Variants in ANKRD26 observed in about 807,000 individuals in gnomAD.
ANKRD26 encodes the protein ankyrin repeat domain 26, also known as ankyrin repeat domain-containing protein 26.
ANKRD26 carries 141 observed loss-of-function variants against 208.7 expected under a neutral mutation model. The observed-to-expected ratio is 0.68, with a 90% CI of 0.59 to 0.78. ANKRD26 has a LOEUF of 0.78. ANKRD26 is among the 30% of genes least tolerant of loss of function. The pLI is 0.00. For synonymous variants in ANKRD26, 636 were observed against 660.4 expected, an observed-to-expected ratio of 0.96 and a Z score of 0.57; for missense variants, 1,889 against 1,938.7, an observed-to-expected ratio of 0.97 and a Z score of 0.48.
At chr10:27,071,952 G>A (rs760700991) in intron 9 of ANKRD26, among the ~76,000 whole-genome samples, 2 of 152,218 alleles carry the variant, frequency 1.3e-5, no homozygotes, top group African/African-American at 2.4e-5. Context: ...CCTCACAGGC[G>A]TCCTGCCGGA....
the ANKRD26 span, among the ~76,000 whole-genome samples, chr10:26,963,259 ATC>A: frequency 1.3e-5 from 2 of 151,968 alleles, no homozygotes; most frequent in Admixed American, 1.3e-4. Context: ...ATCACCCACA[ATC>A]TATTGCTTCT....
chr10:26,977,049 G>C (rs140156359), intron 5 of ANKRD26, among the ~76,000 whole-genome samples: 1 of 152,034 alleles, frequency 6.6e-6, no homozygotes, highest in Non-Finnish European at 1.5e-5. Flanking sequence ...CCCCACCCCC[G>C]GAAACTTCGA....
intron 5 of ANKRD26, among the ~76,000 whole-genome samples, chr10:27,084,243 G>GAAA (rs2056035588): frequency 7.0e-6 from 1 of 143,442 alleles, no homozygotes; most frequent in South Asian, 2.2e-4. Context: ...AAAGAAAAAA[G>GAAA]AAATAAAATG....
At chr10:27,050,462 A>G (rs907842329) in intron 16 of ANKRD26, among the ~76,000 whole-genome samples, 1 of 152,120 alleles carries the variant, frequency 6.6e-6, no homozygotes, top group Non-Finnish European at 1.5e-5. Flanking sequence ...TGGTGTTTTA[A>G]AAAATATGTG....
At position 27,030,435 on chromosome 10, in the gene ANKRD26, C is replaced by T. The variant is rs180843223; in HGVS notation, c.3808-1079G>A. The T allele has an allele frequency of 1.4e-4, 142 of 985,354 alleles. No individual in the cohort carries two copies. In the African/African-American group the frequency reaches 1.9e-3, roughly 13 times the overall value. 61.0% of individuals were successfully genotyped at this position (985,354 alleles called of 1,614,324 possible). On this transcript the variant is annotated intron_variant, in intron 25 of 33. Coordinates refer to ENST00000376087, the MANE Select transcript of ANKRD26 (RefSeq NM_014915.3). ...GGACTGAAAACACTGGACTCTGCTGCGAAACAAGGTTCCCAAATCAAGTCA... is the reference window on the plus strand; with the variant it reads ...GGACTGAAAACACTGGACTCTGCTGTGAAACAAGGTTCCCAAATCAAGTCA...
chr10:27,050,291 AT>A (rs1165167700), intron 16 of ANKRD26, among the ~76,000 whole-genome samples: 2 of 147,668 alleles, frequency 1.4e-5, no homozygotes, highest in Admixed American at 1.4e-4. Context: ...ATTATTGTTT[AT>A]CTTTACAACT....
intron 5 of ANKRD26, among the ~76,000 whole-genome samples, chr10:27,084,353 T>C (rs751487068): frequency 2.6e-5 from 4 of 152,166 alleles, no homozygotes; most frequent in African/African-American, 4.8e-5. Context: ...AATACTTTCA[T>C]TGAAAAAACA....
At position 27,046,071 on chromosome 10, in the gene ANKRD26, C is replaced by CTGGG. The variant is rs879781536; in HGVS notation, c.1985+281_1985+282insCCCA. 0.033 allele frequency: 10,609 copies of CTGGG among 319,136 alleles called. 178 individuals are homozygous for CTGGG. The highest frequency in any genetic ancestry group is 0.038 in the Non-Finnish European group (6,496 of 173,054). 19.8% of individuals were successfully genotyped at this position (319,136 alleles called of 1,614,324 possible). A position where few individuals can be genotyped will look rare whatever the true frequency, so the allele number is the denominator to read the frequency against. On this transcript the variant is annotated intron_variant, in intron 18 of 33. Transcript: ENST00000376087. Reference sequence around the variant, plus strand: ...TTAAAATAAAAAAGAAAGAAGGCTCCCTTGAATCCCACATTCTTCTTCAGT... The same window carrying CTGGG: ...TTAAAATAAAAAAGAAAGAAGGCTCCTGGGCTTGAATCCCACATTCTTCTTCAGT...
At chr10:27,095,129 A>C (rs2056425437) in intron 1 of ANKRD26, among the ~76,000 whole-genome samples, 1 of 152,208 alleles carries the variant, frequency 6.6e-6, no homozygotes. Flanking sequence ...CTATAATTGG[A>C]AGCATTTTTA....
chr10:27,073,063 C>T (rs2055563534), intron 9 of ANKRD26, among the ~76,000 whole-genome samples: 1 of 152,152 alleles, frequency 6.6e-6, no homozygotes. Flanking sequence ...TTCTCAGGGG[C>T]TGCTACTCCC....
rs535377295 is a variant in ANKRD26 at position 26,974,498 on chromosome 10, G to A, written c.*1826C>T. 6.6e-5 allele frequency among the ~76,000 whole-genome samples: 10 copies of A among 152,080 alleles called. No individual in the cohort carries two copies. In the South Asian group the frequency reaches 1.7e-3, roughly 25 times the overall value. On this transcript the variant is annotated 3_prime_UTR_variant and NMD_transcript_variant, in exon 6 of 6. Coordinates refer to the ANKRD26 transcript ENST00000674670. ...TGGGACTACAGGCACCCGCCACCACGCCTGGCTAATTTTTTGTATTTTTAG... is the reference window on the plus strand; with the variant it reads ...TGGGACTACAGGCACCCGCCACCACACCTGGCTAATTTTTTGTATTTTTAG...
chr10:27,035,520 C>T lies in ANKRD26; in HGVS notation c.2930G>A (p.Arg977Gln), dbSNP rs763003415. 6 of 1,613,906 alleles carry T rather than the reference C, an allele frequency of 3.7e-6. No homozygotes were observed. The highest frequency in any genetic ancestry group is 2.2e-5 in the South Asian group (2 of 91,068). Reference sequence around the variant, plus strand: ...ATTCTCAGCTGTCAGAACACTAAGCCGTCCATTATACTGGGATATTGTTTG... The same window carrying T: ...ATTCTCAGCTGTCAGAACACTAAGCTGTCCATTATACTGGGATATTGTTTG... ...LTQTISQYNG[R>Q]LSVLTAENAM... Residue 977 changes from arginine (R) to glutamine (Q), a missense_variant, in exon 24 of 34, where the codon CGG (arginine) becomes CAG (glutamine). Physicochemically the swap from Arg to Gln is conservative, Grantham distance 43 (BLOSUM62 1). Around this residue, in one of 3 missense-constraint regions of ANKRD26, gnomAD observed 1,272 missense variants for 1,273.8 expected, o/e 1.00. Coordinates refer to ENST00000376087, the MANE Select transcript of ANKRD26 (RefSeq NM_014915.3).
chr10:27,086,548 T>G lies in ANKRD26; in HGVS notation c.700A>C (p.Ser234Arg). ...ERIPKHSSQN[S>R]NSVDESSEDS... ...CTATTGGAAGTCTTACCTGAATTAC[T>G]ATTTTGAGAAGAATGTTTAGGTATC... The change falls in exon 5 of 34, where the codon AGT (serine) becomes CGT (arginine). Residue 234 changes from serine (S) to arginine (R), a missense_variant. Physicochemically the swap from Ser to Arg is moderately radical, Grantham distance 110. Coordinates refer to ENST00000376087, the MANE Select transcript of ANKRD26 (RefSeq NM_014915.3). 6.2e-7 allele frequency: 1 copy of G among 1,605,960 alleles called. No homozygotes were observed.
intron 3 of ANKRD26, 142 bp from the exon 4 acceptor site, chr10:27,092,654 C>G (rs2056337845): frequency 2.9e-6 from 2 of 681,626 alleles, no homozygotes; most frequent in Non-Finnish European, 5.1e-6. Flanking sequence ...GGAAACACCC[C>G]TCCTCTGCCT....
In ANKRD26 at chr10:27,004,239, C is replaced by A. The variant is rs1355694401; in HGVS notation, c.*1351G>T. The A allele has an allele frequency of 6.6e-6, 1 of 151,924 alleles. No individual in the cohort carries two copies. Among genetic ancestry groups the A allele is most frequent in the Non-Finnish European group, 1.5e-5 (1 of 67,958 alleles). 9.4% of individuals were successfully genotyped at this position (151,924 alleles called of 1,614,324 possible). ...AATGTTAACATTTGGGGAATAATAT[C>A]CAAAAATTATTTGTACTACCTCTTA... On this transcript the variant is annotated 3_prime_UTR_variant, in exon 34 of 34. Transcript: ENST00000376087.
At chr10:27,069,248 G>GAAAATA (rs1303969997) in intron 9 of ANKRD26, among the ~76,000 whole-genome samples, 1 of 142,552 alleles carries the variant, frequency 7.0e-6, no homozygotes, top group East Asian at 2.1e-4. Context: ...TAAGCAGGTA[G>GAAAATA]AAAATAAAGA....
chr10:27,066,684 A>T (rs2055260514), intron 10 of ANKRD26, 136 bp from the exon 11 acceptor site: 1 of 600,236 alleles, frequency 1.7e-6, no homozygotes, highest in Non-Finnish European at 2.7e-6. Flanking sequence ...CAAAAAAAGA[A>T]TTTCACAAGG....
chr10:27,093,951 C>A, intron 1 of ANKRD26, 152 bp from the exon 2 acceptor site: 2 of 714,232 alleles, frequency 2.8e-6, no homozygotes, highest in Middle Eastern at 3.7e-4. Context: ...AACCAAATCC[C>A]AAATTGTAGT....
intron 15 of ANKRD26, 102 bp downstream of exon 15, chr10:27,060,243 G>A (rs1468630300): frequency 2.6e-6 from 3 of 1,172,012 alleles, no homozygotes; most frequent in African/African-American, 1.6e-5. Flanking sequence ...AACAAATTTG[G>A]AGAAAAAAAG....
Sources: allele counts gnomAD v4.1 joint callset (sites outside exome capture counted in the v4.1 genomes callset), GRCh38; gene constraint gnomAD v4.1.1; regional missense constraint gnomAD v4.1.1; transcripts MANE v1.5; gene names NCBI Gene and HGNC (gene_info 2026-07-23, HGNC 2026-07-21).